Variants in ADK observed in about 807,000 individuals in gnomAD.
ADK encodes the protein N6,N6-dimethyladenosine kinase.
In ADK, 24 loss-of-function variants were observed where a neutral mutation model predicts 44.7. The observed-to-expected ratio is 0.54, with a 90% CI of 0.39 to 0.76. The LOEUF (loss-of-function observed/expected upper bound fraction) is 0.76, where lower values mean the gene tolerates loss of function less well. ADK is among the 30% of genes least tolerant of loss of function. The pLI is 0.00. For synonymous variants in ADK, 128 were observed against 142.6 expected (o/e 0.90, Z 0.73); for missense variants, 321 against 425.1 (o/e 0.76, Z 2.15).
At chr10:74,432,245 C>CA (rs1020322037) in intron 6 of ADK, among the ~76,000 whole-genome samples, 59 of 152,080 alleles carry the variant, frequency 3.9e-4, no homozygotes, top group African/African-American at 1.3e-3. Context: ...CATAATGCAC[C>CA]AACACTACCC....
intron 7 of ADK, among the ~76,000 whole-genome samples, chr10:74,533,266 G>A (rs1282354615): frequency 6.6e-6 from 1 of 152,136 alleles, no homozygotes; most frequent in African/African-American, 2.4e-5. Context: ...CAGAATTTCA[G>A]AAGTTTTTTT....
At chr10:74,529,178 A>G (rs1849182187) in intron 7 of ADK, 1 of 152,214 alleles carries the variant, frequency 6.6e-6, no homozygotes, top group Non-Finnish European at 1.5e-5. Context: ...ATTTAGCCTT[A>G]AATAAAATTT....
chr10:74,206,216 A>G (rs890578072), intron 2 of ADK, among the ~76,000 whole-genome samples: 1 of 152,248 alleles, frequency 6.6e-6, no homozygotes, highest in African/African-American at 2.4e-5. Context: ...ATAAATGTAG[A>G]ACATTTTATA....
At chr10:74,329,768 TA>T in intron 4 of ADK, among the ~76,000 whole-genome samples, 1 of 152,334 alleles carries the variant, frequency 6.6e-6, no homozygotes, top group Non-Finnish European at 1.5e-5. Flanking sequence ...TTTAATTTTA[TA>T]AAAGCAGTAC....
Position 74,708,531 on chromosome 10 carries a change from T to A in ADK, c.*86T>A. 1.4e-6 allele frequency: 2 copies of A among 1,472,286 alleles called. No homozygotes were observed. Among genetic ancestry groups the A allele is most frequent in the African/African-American group, 1.4e-5 (1 of 71,660 alleles). The allele number at this position is 1,472,286 out of a possible 1,614,324, so 91.2% of individuals were successfully genotyped here. A position where few individuals can be genotyped will look rare whatever the true frequency, so the allele number is the denominator to read the frequency against. Reference sequence around the variant, plus strand: ...TTCCCATATTAATAAAGAAGAAAATTATCTGCCATTTTTTCCTACTATAAT... The same window carrying A: ...TTCCCATATTAATAAAGAAGAAAATAATCTGCCATTTTTTCCTACTATAAT... On this transcript the variant is annotated 3_prime_UTR_variant, in exon 11 of 11. Transcript: ENST00000539909.
chr10:74,498,044 C>G (rs1218163100), intron 6 of ADK, among the ~76,000 whole-genome samples: 1 of 152,076 alleles, frequency 6.6e-6, no homozygotes, highest in African/African-American at 2.4e-5. Flanking sequence ...CACCTGCCAC[C>G]ACGCCCGGCT....
chr10:74,434,264 G>A (rs1845107351), intron 6 of ADK, among the ~76,000 whole-genome samples: 1 of 152,140 alleles, frequency 6.6e-6, no homozygotes, highest in African/African-American at 2.4e-5. Context: ...TAAAATGACT[G>A]ATGGATTTTG....
rs935937923 is a variant in ADK at position 74,527,515 on chromosome 10, C to G, written c.726+2089C>G. 4 of 626,528 alleles carry G rather than the reference C, an allele frequency of 6.4e-6. No homozygotes were observed. The African/African-American group carries it at 7.4e-5, about 12-fold the overall frequency. 38.8% of individuals were successfully genotyped at this position (626,528 alleles called of 1,614,324 possible). A position where few individuals can be genotyped will look rare whatever the true frequency, so the allele number is the denominator to read the frequency against. ...AATTAAGGAGAGAATGTGGAGGGACCTTTTGAAAAAATATAGCAGAGCACG... is the reference window on the plus strand; with the variant it reads ...AATTAAGGAGAGAATGTGGAGGGACGTTTTGAAAAAATATAGCAGAGCACG... On this transcript the variant is annotated intron_variant, in intron 7 of 10. Coordinates refer to ENST00000539909, the MANE Select transcript of ADK (RefSeq NM_006721.4).
chr10:74,378,330 T>C (rs1842876128), intron 4 of ADK, among the ~76,000 whole-genome samples: 1 of 152,158 alleles, frequency 6.6e-6, no homozygotes, highest in African/African-American at 2.4e-5. Context: ...TATTGTGCTT[T>C]CCCTTTTTTT....
At chr10:74,362,257 C>CT (rs1039943538) in intron 4 of ADK, among the ~76,000 whole-genome samples, 4 of 151,024 alleles carry the variant, frequency 2.6e-5, no homozygotes, top group East Asian at 3.9e-4. Flanking sequence ...GCTTCCTTTT[C>CT]TTTTTTTTTC....
chr10:74,171,788 C>T (rs1487995416), intron 1 of ADK, among the ~76,000 whole-genome samples: 1 of 149,520 alleles, frequency 6.7e-6, no homozygotes, highest in Admixed American at 6.7e-5. Flanking sequence ...CGCTCACTCT[C>T]TTTCTGTCTC....
At chr10:74,506,508 A>G (rs779509368) in intron 6 of ADK, 5 of 154,926 alleles carry the variant, frequency 3.2e-5, no homozygotes, top group Non-Finnish European at 5.7e-5. Context: ...TTTTATTGCA[A>G]TATGCAATTT....
At position 74,485,644 on chromosome 10, in the gene ADK, A is replaced by T. The variant is rs886736715; in HGVS notation, c.556-39612A>T. On this transcript the variant is annotated intron_variant, in intron 6 of 10. Coordinates refer to ENST00000539909, the MANE Select transcript of ADK (RefSeq NM_006721.4). ...ATTACTGACTCTTACACACTTGAAG[A>T]TACAAATTCCCTACTATCCCCAGAA... Among the ~76,000 whole-genome samples, 7 of 152,266 alleles carry T rather than the reference A, an allele frequency of 4.6e-5. No homozygotes were observed. In the South Asian group the frequency reaches 1.4e-3, roughly 32 times the overall value.
At chr10:74,332,084 C>T (rs1190993948) in intron 4 of ADK, among the ~76,000 whole-genome samples, 1 of 152,180 alleles carries the variant, frequency 6.6e-6, no homozygotes, top group Admixed American at 6.5e-5. Context: ...TATTAAACTC[C>T]TGACCTCAAG....
Position 74,434,299 on chromosome 10 carries a change from A to G in ADK, c.555+35720A>G, listed in dbSNP as rs368243952. ...GATTACACCACTGGTGATAGAAAAA[A>G]AATTATTAGAGAAAAGTGTAGTCTG... On this transcript the variant is annotated intron_variant, in intron 6 of 10. Coordinates refer to ENST00000539909, the MANE Select transcript of ADK (RefSeq NM_006721.4). Among the ~76,000 whole-genome samples the G allele has an allele frequency of 4.6e-5, 7 of 152,334 alleles. No homozygotes were observed. The East Asian group carries it at 1.2e-3, about 25-fold the overall frequency.
At chr10:74,691,679 A>G (rs1340250465) in intron 10 of ADK, among the ~76,000 whole-genome samples, 2 of 144,342 alleles carry the variant, frequency 1.4e-5, no homozygotes, top group East Asian at 2.1e-4. Context: ...TCTGAAGACC[A>G]TAAACATACA....
chr10:74,174,239 T>TG (rs1266657596), intron 1 of ADK, among the ~76,000 whole-genome samples: 2 of 117,620 alleles, frequency 1.7e-5, no homozygotes, highest in East Asian at 5.2e-4. Context: ...ACCCCGGGGA[T>TG]GGGGGCGGAG....
chr10:74,630,766 A>G (rs1853381998), intron 9 of ADK, among the ~76,000 whole-genome samples: 1 of 152,178 alleles, frequency 6.6e-6, no homozygotes, highest in African/African-American at 2.4e-5. Context: ...TCTTCCATAC[A>G]TACATGGATT....
At chr10:74,233,224 A>G (rs1451573142) in intron 3 of ADK, among the ~76,000 whole-genome samples, 1 of 152,204 alleles carries the variant, frequency 6.6e-6, no homozygotes, top group East Asian at 1.9e-4. Context: ...AACTGGGGAT[A>G]TTAAGGTCCC....
Sources: gnomAD v4.1 joint callset for allele counts (sites outside exome capture counted in the v4.1 genomes callset) on GRCh38, gnomAD v4.1.1 for gene constraint, MANE v1.5 for transcripts, NCBI Gene and HGNC (gene_info 2026-07-23, HGNC 2026-07-21) for gene names.